ZFHX3: variants seen among roughly 807,000 people sequenced by gnomAD.
The protein encoded by ZFHX3 is zinc finger homeobox protein 3.
ZFHX3 carries 42 observed loss-of-function variants against 279.1 expected under a neutral mutation model. The ratio of observed to expected loss-of-function variants is 0.15; its 90% CI spans 0.12 to 0.19. The LOEUF (loss-of-function observed/expected upper bound fraction) is 0.19. ZFHX3 is among the 10% of genes least tolerant of loss of function. The pLI, the probability that ZFHX3 is intolerant of heterozygous loss-of-function variation, is 1.00. For synonymous variants in ZFHX3, 2,293 were observed against 1,957.8 expected (o/e 1.17, Z -4.52); for missense variants, 4,981 against 4,754.0 (o/e 1.05, Z -1.40).
At chr16:73,871,731 C>T (rs938633003) in intron 1 of ZFHX3, among the ~76,000 whole-genome samples, 2 of 151,870 alleles carry the variant, frequency 1.3e-5, no homozygotes, top group Non-Finnish European at 2.9e-5. Flanking sequence ...ATCAATCCCT[C>T]TTTAAAAAAA....
intron 6 of ZFHX3, among the ~76,000 whole-genome samples, chr16:73,135,256 A>G (rs1966768006): frequency 6.6e-6 from 1 of 152,192 alleles, no homozygotes; most frequent in African/African-American, 2.4e-5. Context: ...TCAGAAGGCT[A>G]AAAGATCATA....
chr16:73,118,379 T>G (rs1342076449), intron 7 of ZFHX3, among the ~76,000 whole-genome samples: 1 of 152,128 alleles, frequency 6.6e-6, no homozygotes, highest in Non-Finnish European at 1.5e-5. Context: ...TGCCTAATTT[T>G]TGTATTTTTA....
intron 7 of ZFHX3, among the ~76,000 whole-genome samples, chr16:73,097,451 TC>T (rs1966179480): frequency 6.6e-6 from 1 of 152,198 alleles, no homozygotes; most frequent in Non-Finnish European, 1.5e-5. Context: ...TTATGTAATT[TC>T]CCATGAATAG....
intron 2 of ZFHX3, among the ~76,000 whole-genome samples, chr16:73,492,424 C>T (rs1233263395): frequency 6.6e-6 from 1 of 152,214 alleles, no homozygotes; most frequent in Admixed American, 6.5e-5. Flanking sequence ...CTGCTATTCT[C>T]CTAGGAAGTA....
intron 2 of ZFHX3, among the ~76,000 whole-genome samples, chr16:73,511,314 C>T (rs914153740): frequency 6.6e-6 from 1 of 152,210 alleles, no homozygotes. Context: ...TGACCTCACT[C>T]CTATCATCTG....
intron 4 of ZFHX3, among the ~76,000 whole-genome samples, chr16:72,867,554 G>A (rs1026567116): frequency 2.6e-5 from 4 of 152,114 alleles, no homozygotes; most frequent in Admixed American, 2.0e-4. Flanking sequence ...CATGGAGTAC[G>A]ACTACCCATG....
intron 1 of ZFHX3, among the ~76,000 whole-genome samples, chr16:73,840,822 C>T (rs987793966): frequency 4.6e-5 from 7 of 152,150 alleles, no homozygotes; most frequent in Non-Finnish European, 1.0e-4. Context: ...ATTTCCATTC[C>T]TCCTCCCGGT....
rs191959055 is a variant in ZFHX3 at position 73,155,716 on chromosome 16, G to A, written c.-1103-11885C>T. On this transcript the variant is annotated intron_variant, in intron 5 of 17. Coordinates refer to the ZFHX3 transcript ENST00000641206. ...CATGCGCATGTAACCCCAGCTACTC[G>A]GGAGGCTGAGGCAGGAGAATCGCTT... is the stretch of plus-strand genomic sequence containing the variant. 3.4e-3 allele frequency among the ~76,000 whole-genome samples: 518 copies of A among 152,104 alleles called. 16 individuals carry two copies. Among genetic ancestry groups the A allele is most frequent in the Admixed American group, 0.031 (475 of 15,270 alleles).
intron 2 of ZFHX3, among the ~76,000 whole-genome samples, chr16:73,491,420 C>CAACT (rs1421101627): frequency 2.0e-5 from 3 of 152,138 alleles, no homozygotes; most frequent in African/African-American, 7.2e-5. Context: ...TGGAAAGCAC[C>CAACT]AACTGTCTGC....
Position 72,867,951 on chromosome 16 carries a change from G to A in ZFHX3, c.3448+21780C>T, listed in dbSNP as rs1321617453. 6.6e-5 allele frequency among the ~76,000 whole-genome samples: 10 copies of A among 152,158 alleles called. 1 individual carries two copies. The highest frequency in any genetic ancestry group is 2.1e-4 in the South Asian group (1 of 4,830). ...TCTGCCAAGGAACCCACGGGGCTCC[G>A]ACAAGATGGCGCCCAAGGAAGCATG... On this transcript the variant is annotated intron_variant, in intron 4 of 9. Coordinates refer to ENST00000268489, the MANE Select transcript of ZFHX3 (RefSeq NM_006885.4).
intron 5 of ZFHX3, among the ~76,000 whole-genome samples, chr16:72,817,683 G>A (rs1323675157): frequency 2.6e-5 from 4 of 152,156 alleles, no homozygotes; most frequent in East Asian, 1.9e-4. Flanking sequence ...AGCTGTCCAC[G>A]TTACTGGGAA....
chr16:73,243,548 C>T (rs2013188232), intron 5 of ZFHX3, among the ~76,000 whole-genome samples: 2 of 152,150 alleles, frequency 1.3e-5, no homozygotes, highest in African/African-American at 4.8e-5. Flanking sequence ...CATATCCAAC[C>T]CACTAAGCTA....
intron 3 of ZFHX3, among the ~76,000 whole-genome samples, chr16:72,929,533 A>G (rs1959675655): frequency 6.6e-6 from 1 of 152,236 alleles, no homozygotes; most frequent in East Asian, 1.9e-4. Context: ...GGTAGAAATA[A>G]GACTATTTGG....
chr16:73,374,244 T>C (rs181997348), intron 3 of ZFHX3, among the ~76,000 whole-genome samples: 49 of 152,356 alleles, frequency 3.2e-4, no homozygotes, highest in African/African-American at 1.1e-3. Context: ...TATAATTGTA[T>C]AGTATATGAA....
chr16:73,220,628 G>T (rs1233566185), intron 5 of ZFHX3, among the ~76,000 whole-genome samples: 1 of 152,108 alleles, frequency 6.6e-6, no homozygotes, highest in Non-Finnish European at 1.5e-5. Flanking sequence ...TATGTTCATT[G>T]CACAGTTTTT....
At chr16:73,202,658 C>G (rs1363944758) in intron 5 of ZFHX3, among the ~76,000 whole-genome samples, 7 of 152,186 alleles carry the variant, frequency 4.6e-5, no homozygotes, top group Non-Finnish European at 1.0e-4. Context: ...TTTCCAGGCT[C>G]ACCTCTCTGC....
intron 1 of ZFHX3, chr16:73,015,983 C>T (rs1367017445): frequency 6.6e-6 from 1 of 152,236 alleles, no homozygotes; most frequent in Non-Finnish European, 1.5e-5. Context: ...AAGAATGGCC[C>T]ACGCAAAGAC....
chr16:73,486,736 AT>A (rs375191368), intron 2 of ZFHX3: 47 of 442,796 alleles, frequency 1.1e-4, no homozygotes, highest in Admixed American at 1.5e-4. Flanking sequence ...TCTCTTGCTC[AT>A]TTTTTTTTCT....
At chr16:73,060,563 C>G (rs966163899), upstream of ZFHX3, 2 of 142,148 alleles carry the variant, frequency 1.4e-5, no homozygotes, top group Non-Finnish European at 3.1e-5. Flanking sequence ...AAATCCTAGC[C>G]TCAGCGTCAC....
Sources: gnomAD v4.1 joint callset for allele counts (sites outside exome capture counted in the v4.1 genomes callset) on GRCh38, gnomAD v4.1.1 for gene constraint, MANE v1.5 for transcripts, NCBI Gene and HGNC (gene_info 2026-07-23, HGNC 2026-07-21) for gene names.